RTF2: variants seen among roughly 807,000 people sequenced by gnomAD.
RTF2 encodes UPF0549 protein C20orf43.
Under a neutral mutation model 38.0 loss-of-function variants are expected in RTF2, and 18 were observed. That is an observed-to-expected ratio of 0.47 (90% CI 0.33 to 0.70). The LOEUF is 0.70. RTF2 is among the 30% of genes least tolerant of loss of function. The pLI, the probability that RTF2 is intolerant of heterozygous loss-of-function variation, is 0.02. For missense variants in RTF2, 311 were observed against 379.6 expected, an observed-to-expected ratio of 0.82 and a Z score of 1.50; for synonymous variants, 126 against 137.1, an observed-to-expected ratio of 0.92 and a Z score of 0.57.
chr20:56,481,685 C>T (rs1280775210), intron 4 of RTF2, among the ~76,000 whole-genome samples: 1 of 152,102 alleles, frequency 6.6e-6, no homozygotes, highest in Non-Finnish European at 1.5e-5. Flanking sequence ...ATAAAATTGG[C>T]CATTTTAAAG....
chr20:56,508,822 C>T (rs1984450115), intron 5 of RTF2, among the ~76,000 whole-genome samples: 1 of 152,146 alleles, frequency 6.6e-6, no homozygotes, highest in African/African-American at 2.4e-5. Flanking sequence ...TATCCACATG[C>T]AGAAGAATGA....
intron 8 of RTF2, among the ~76,000 whole-genome samples, chr20:56,517,767 C>T (rs960403106): frequency 6.6e-6 from 1 of 152,188 alleles, no homozygotes. Flanking sequence ...AGGCTCCCAT[C>T]CCGGCTCTAC....
chr20:56,515,575 C>CAG (rs58977063), intron 6 of RTF2: 32 of 130,312 alleles, frequency 2.5e-4, no homozygotes, highest in African/African-American at 7.2e-4. Flanking sequence ...CTGTCTCAGA[C>CAG]AGAGAGAGAG....
At chr20:56,492,647 C>A (rs1402763521) in intron 5 of RTF2, among the ~76,000 whole-genome samples, 3 of 151,750 alleles carry the variant, frequency 2.0e-5, no homozygotes, top group African/African-American at 7.3e-5. Flanking sequence ...TTTTTATGTG[C>A]TTTTGACAAC....
intron 3 of RTF2, among the ~76,000 whole-genome samples, chr20:56,475,995 A>T (rs1982221113): frequency 6.6e-6 from 1 of 152,248 alleles, no homozygotes; most frequent in Non-Finnish European, 1.5e-5. Flanking sequence ...AGCTGATCGT[A>T]TGAATGGTGA....
rs558322029 is a variant in RTF2 at position 56,495,370 on chromosome 20, C to G, written c.477+11181C>G. The G allele has an allele frequency of 5.7e-5, 67 of 1,170,246 alleles. No individual in the cohort carries two copies. In the African/African-American group the frequency reaches 9.1e-4, roughly 16 times the overall value. The allele number at this position is 1,170,246 out of a possible 1,614,324, so 72.5% of individuals were successfully genotyped here. A position where few individuals can be genotyped will look rare whatever the true frequency, so the allele number is the denominator to read the frequency against. On this transcript the variant is annotated intron_variant, in intron 5 of 8. Transcript: ENST00000357348. ...TTCTTTTAGTACAAGTTCTTCTGTG[C>G]TATCATTTCCATTTCCTCTAGATGA...
chr20:56,485,192 C>T (rs576048029), intron 5 of RTF2, among the ~76,000 whole-genome samples: 55 of 152,108 alleles, frequency 3.6e-4, no homozygotes, highest in African/African-American at 1.2e-3. Flanking sequence ...TAGTGGTGGT[C>T]GGCAGAGGCA....
intron 5 of RTF2, chr20:56,497,320 A>T: frequency 6.4e-7 from 1 of 1,550,580 alleles, no homozygotes; most frequent in Non-Finnish European, 8.7e-7. Context: ...CTGGTTATGA[A>T]ATGCAGCCCC....
At chr20:56,513,491 C>T in intron 6 of RTF2, 63 bp downstream of exon 6, 1 of 1,543,106 alleles carries the variant, frequency 6.5e-7, no homozygotes, top group Non-Finnish European at 8.8e-7. Context: ...CTGCAAATCA[C>T]TGAACTGAGC....
chr20:56,489,221 ATTTTTTT>A (rs11481363), intron 5 of RTF2, among the ~76,000 whole-genome samples: 1 of 136,750 alleles, frequency 7.3e-6, no homozygotes, highest in African/African-American at 2.7e-5. Context: ...ATGCCTGGTT[ATTTTTTT>A]TTTTTTTTTG....
At chr20:56,516,763 G>A (rs1985064795) in intron 6 of RTF2, 172 bp from the exon 7 acceptor site, 1 of 667,526 alleles carries the variant, frequency 1.5e-6, no homozygotes. Flanking sequence ...CATGCAGAGG[G>A]TGAAGGCTTT....
chr20:56,513,673 A>G, intron 6 of RTF2: 1 of 393,606 alleles, frequency 2.5e-6, no homozygotes, highest in Admixed American at 3.5e-5. Context: ...TAGTGACAGC[A>G]TGCGAGGGCA....
At chr20:56,508,896 G>A (rs1984454379) in intron 5 of RTF2, among the ~76,000 whole-genome samples, 2 of 152,186 alleles carry the variant, frequency 1.3e-5, no homozygotes, top group Non-Finnish European at 2.9e-5. Context: ...ACCTAAATCT[G>A]TAAGTTTTAG....
intron 5 of RTF2, among the ~76,000 whole-genome samples, chr20:56,499,097 G>T (rs755613234): frequency 1.3e-5 from 2 of 152,044 alleles, no homozygotes; most frequent in Admixed American, 6.5e-5. Flanking sequence ...ATGTCAGGCC[G>T]CAGTGTGTTC....
chr20:56,477,193 T>G, intron 4 of RTF2, 69 bp downstream of exon 4: 1 of 1,574,628 alleles, frequency 6.4e-7, no homozygotes, highest in South Asian at 1.1e-5. Flanking sequence ...GTGGCAGTGG[T>G]GCCGGAGCTT....
intron 5 of RTF2, chr20:56,497,381 A>T: frequency 6.5e-7 from 1 of 1,549,940 alleles, no homozygotes; most frequent in Non-Finnish European, 8.7e-7. Flanking sequence ...CATGTATTTC[A>T]GATTTATGAG....
chr20:56,483,105 AG>A (rs1258410691), intron 4 of RTF2, among the ~76,000 whole-genome samples: 1 of 152,128 alleles, frequency 6.6e-6, no homozygotes, highest in Non-Finnish European at 1.5e-5. Flanking sequence ...TTCCCTACTG[AG>A]GAACATGTAG....
chr20:56,472,900 G>A (rs776000806), intron 1 of RTF2, among the ~76,000 whole-genome samples: 64 of 152,274 alleles, frequency 4.2e-4, no homozygotes, highest in Middle Eastern at 3.4e-3. Context: ...AGCAGTTTGG[G>A]TGGCTGAGAT....
chr20:56,513,743 C>T (rs1000766975), intron 6 of RTF2: 1 of 256,618 alleles, frequency 3.9e-6, no homozygotes, highest in Non-Finnish European at 7.9e-6. Context: ...GACACGGCCT[C>T]AGCAAGCCCT....
Sources: allele counts gnomAD v4.1 joint callset (sites outside exome capture counted in the v4.1 genomes callset), GRCh38; gene constraint gnomAD v4.1.1; transcripts MANE v1.5; gene names NCBI Gene and HGNC (gene_info 2026-07-23, HGNC 2026-07-21).